CHERP: variants seen among roughly 807,000 people sequenced by gnomAD.
The protein encoded by CHERP is calcium homeostasis endoplasmic reticulum protein.
In CHERP, 8 loss-of-function variants were observed where a neutral mutation model predicts 113.8. The observed-to-expected ratio is 0.07, with a 90% CI of 0.04 to 0.13. CHERP has a LOEUF of 0.13. Ranked by LOEUF, CHERP falls within the 10% of genes least tolerant of loss-of-function variation. The probability of loss-of-function intolerance (pLI) is 1.00; values close to 1 mark genes in which losing one functional copy is unlikely to be tolerated. For missense variants in CHERP, 884 were observed against 1,298.2 expected (o/e 0.68, Z 4.90); for synonymous variants, 559 against 524.5 (o/e 1.07, Z -0.90).
In CHERP at chr19:16,530,294, T is replaced by C. The variant is rs999975017; in HGVS notation, c.876+291A>G. Among the ~76,000 whole-genome samples the C allele has an allele frequency of 1.3e-5, 2 of 152,210 alleles. No individual in the cohort carries two copies. Among genetic ancestry groups the C allele is most frequent in the Non-Finnish European group, 2.9e-5 (2 of 68,034 alleles). ...CCTAAGCCACGTCTGGGCTTCCTCA[T>C]GCTTCCACCACACCGGAACATGCCT... is the stretch of plus-strand genomic sequence containing the variant. On this transcript the variant is annotated intron_variant, in intron 7 of 16. Coordinates refer to ENST00000546361, the MANE Select transcript of CHERP (RefSeq NM_006387.6). This position sits in a 1 kb window ranked among gnomAD's most constrained non-coding sequence, Gnocchi z 4.1.
At chr19:16,529,537 G>A (rs2085682174) in intron 8 of CHERP, 111 bp downstream of exon 8, 5 of 1,345,334 alleles carry the variant, frequency 3.7e-6, no homozygotes, top group East Asian at 5.0e-5. Context: ...GGCCTGGGAC[G>A]AGGGAACAAG....
intron 11 of CHERP, among the ~76,000 whole-genome samples, chr19:16,521,931 G>C (rs1298259941): frequency 6.6e-6 from 1 of 152,228 alleles, no homozygotes; most frequent in East Asian, 1.9e-4. Flanking sequence ...CCAAACTCAG[G>C]TGACCTGAAC....
intron 9 of CHERP, among the ~76,000 whole-genome samples, chr19:16,526,627 C>T (rs1222156691): frequency 6.6e-6 from 1 of 152,046 alleles, no homozygotes; most frequent in Non-Finnish European, 1.5e-5. Flanking sequence ...GGCACCATGC[C>T]CGGCTATTTT....
At position 16,532,307 on chromosome 19, in the gene CHERP, A is replaced by G; in HGVS notation, c.674+291T>C. 2.8e-6 allele frequency: 1 copy of G among 353,202 alleles called. No individual in the cohort carries two copies. Among genetic ancestry groups the G allele is most frequent in the South Asian group, 6.4e-5 (1 of 15,546 alleles). The allele number at this position is 353,202 out of a possible 1,614,324, so 21.9% of individuals were successfully genotyped here. Reference sequence around the variant, plus strand: ...GCCAAGAAGCTGCCCCATGAGAGGAAGGAGTGCAGGGGACAGTGGCCCCCA... The same window carrying G: ...GCCAAGAAGCTGCCCCATGAGAGGAGGGAGTGCAGGGGACAGTGGCCCCCA... On this transcript the variant is annotated intron_variant, in intron 5 of 16. Coordinates refer to ENST00000546361, the MANE Select transcript of CHERP (RefSeq NM_006387.6). This position sits in a 1 kb window ranked among gnomAD's most constrained non-coding sequence, Gnocchi z 4.4.
Position 16,529,554 on chromosome 19 carries a change from G to A in CHERP, c.1129+94C>T. On this transcript the variant is annotated intron_variant, in intron 8 of 16. Coordinates refer to ENST00000546361, the MANE Select transcript of CHERP (RefSeq NM_006387.6). ...CCTGGGACGAGGGAACAAGAACTGA[G>A]TCTGAGGGTGGCAGACTGCTTTCTG... is the stretch of plus-strand genomic sequence containing the variant. The A allele has an allele frequency of 2.1e-6, 3 of 1,431,648 alleles. No individual in the cohort carries two copies. The African/African-American group carries it at 4.2e-5, about 20-fold the overall frequency. The allele number at this position is 1,431,648 out of a possible 1,614,324, so 88.7% of individuals were successfully genotyped here. A position where few individuals can be genotyped will look rare whatever the true frequency, so the allele number is the denominator to read the frequency against.
At position 16,529,903 on chromosome 19, in the gene CHERP, G is replaced by A. The variant is rs377530544; in HGVS notation, c.877-3C>T. The A allele has an allele frequency of 1.2e-6, 2 of 1,611,866 alleles. No homozygotes were observed. Among genetic ancestry groups the A allele is most frequent in the African/African-American group, 2.7e-5 (2 of 74,896 alleles). Reference sequence around the variant, plus strand: ...GAGTACTCGTTGATGAGGGTGGCCTGAGAGAGAGAAGAGCACCCGCTGCTC... The same window carrying A: ...GAGTACTCGTTGATGAGGGTGGCCTAAGAGAGAGAAGAGCACCCGCTGCTC... On this transcript the variant is annotated splice_region_variant and splice_polypyrimidine_tract_variant and intron_variant, in intron 7 of 16. Transcript: ENST00000546361.
chr19:16,531,392 G>A (rs1323373926), intron 5 of CHERP, among the ~76,000 whole-genome samples: 4 of 152,192 alleles, frequency 2.6e-5, no homozygotes, highest in Non-Finnish European at 5.9e-5. Flanking sequence ...GCCCAGCGGG[G>A]GGAGGCGCCG....
chr19:16,524,541 G>GTGGAGTTT (rs2085643169), intron 10 of CHERP, among the ~76,000 whole-genome samples: 1 of 142,084 alleles, frequency 7.0e-6, no homozygotes, highest in South Asian at 2.3e-4. Flanking sequence ...GGGCAACAGG[G>GTGGAGTTT]TGAGACTCTG....
At position 16,535,681 on chromosome 19, in the gene CHERP, G is replaced by T; in HGVS notation, c.200-45C>A. ...GGTGCCCCATGAGAATGCAGATGGGGGTCTAGGTGTCCCCTTGGCCACCTC... is the reference window on the plus strand; with the variant it reads ...GGTGCCCCATGAGAATGCAGATGGGTGTCTAGGTGTCCCCTTGGCCACCTC... On this transcript the variant is annotated intron_variant, in intron 2 of 16. Coordinates refer to ENST00000546361, the MANE Select transcript of CHERP (RefSeq NM_006387.6). The surrounding 1 kb of genome is among the most constrained non-coding windows in gnomAD (Gnocchi z 4.3). 6.9e-7 allele frequency: 1 copy of T among 1,451,054 alleles called. No homozygotes were observed. The highest frequency in any genetic ancestry group is 9.1e-7 in the Non-Finnish European group (1 of 1,102,370). 89.9% of individuals were successfully genotyped at this position (1,451,054 alleles called of 1,614,324 possible). A position where few individuals can be genotyped will look rare whatever the true frequency, so the allele number is the denominator to read the frequency against.
At position 16,532,833 on chromosome 19, in the gene CHERP, A is replaced by G; in HGVS notation, c.523-84T>C. On this transcript the variant is annotated intron_variant, in intron 4 of 16. Coordinates refer to ENST00000546361, the MANE Select transcript of CHERP (RefSeq NM_006387.6). The surrounding 1 kb of genome is among the most constrained non-coding windows in gnomAD (Gnocchi z 4.4). ...GCATCCCTGAGAGCGCGTCACCATCAGCTCAGGGAAGGACACACCATGAGC... is the reference window on the plus strand; with the variant it reads ...GCATCCCTGAGAGCGCGTCACCATCGGCTCAGGGAAGGACACACCATGAGC... 1 of 1,554,156 alleles carries G rather than the reference A, an allele frequency of 6.4e-7. No individual in the cohort carries two copies. The highest frequency in any genetic ancestry group is 8.7e-7 in the Non-Finnish European group (1 of 1,145,002).
At chr19:16,531,202 G>A (rs2122269968) in intron 5 of CHERP, among the ~76,000 whole-genome samples, 2 of 152,356 alleles carry the variant, frequency 1.3e-5, no homozygotes, top group South Asian at 2.1e-4. Flanking sequence ...AAGGGATATG[G>A]GCCGGCGGGA....
chr19:16,529,961 C>A, intron 7 of CHERP, 61 bp from the exon 8 acceptor site: 1 of 1,554,390 alleles, frequency 6.4e-7, no homozygotes, highest in East Asian at 2.4e-5. Flanking sequence ...TGCCTGGCGC[C>A]AGAGGACAAA....
In CHERP at chr19:16,535,069, T is replaced by TAA. The variant is rs371417257; in HGVS notation, c.384+381_384+382dup. Reference sequence around the variant, plus strand: ...CCAGCCTGGGCGACAGAACAAGACTTAAAAAAAAAAAAGGGTCCTTCCCCA... The same window carrying TAA: ...CCAGCCTGGGCGACAGAACAAGACTTAAAAAAAAAAAAAAGGGTCCTTCCCCA... On this transcript the variant is annotated intron_variant, in intron 3 of 16. Transcript: ENST00000546361. The surrounding 1 kb of genome is among the most constrained non-coding windows in gnomAD (Gnocchi z 4.3). Among the ~76,000 whole-genome samples, 1 of 142,040 alleles carries TAA rather than the reference T, an allele frequency of 7.0e-6. No individual in the cohort carries two copies. Among genetic ancestry groups the TAA allele is most frequent in the South Asian group, 2.2e-4 (1 of 4,488 alleles). 93.2% of individuals were successfully genotyped at this position (142,040 alleles called of 152,430 possible).
At chr19:16,541,731 G>C (rs1646519562) in intron 2 of CHERP, 139 bp downstream of exon 2, 1 of 906,132 alleles carries the variant, frequency 1.1e-6, no homozygotes, top group South Asian at 1.6e-5. Flanking sequence ...GGGAACAGCG[G>C]AACAGGGATC....
chr19:16,522,894 G>A (rs1380527086), intron 11 of CHERP, among the ~76,000 whole-genome samples, 158 bp downstream of exon 11: 6 of 152,158 alleles, frequency 3.9e-5, no homozygotes, highest in South Asian at 2.1e-4. Context: ...GTGCTACTCC[G>A]GTTCGGCACC....
At chr19:16,540,188 C>T (rs1198570366) in intron 2 of CHERP, among the ~76,000 whole-genome samples, 3 of 152,102 alleles carry the variant, frequency 2.0e-5, no homozygotes, top group African/African-American at 7.2e-5. Context: ...CTCAGCCTCC[C>T]GGGTAGCTGG....
chr19:16,542,397 C>CG lies in CHERP; in HGVS notation c.-20dup. ...TCTCCATGGCTCCGGCCGCGGGGAACGTCCTCCGGCGCCACACGATCGACC... is the reference window on the plus strand; with the variant it reads ...TCTCCATGGCTCCGGCCGCGGGGAACGGTCCTCCGGCGCCACACGATCGACC... On this transcript the variant is annotated 5_prime_UTR_variant, in exon 1 of 17. Transcript: ENST00000546361. The CG allele has an allele frequency of 6.6e-6, 9 of 1,356,088 alleles. No homozygotes were observed. The highest frequency in any genetic ancestry group is 8.6e-6 in the Non-Finnish European group (9 of 1,046,774). The allele number at this position is 1,356,088 out of a possible 1,614,324, so 84.0% of individuals were successfully genotyped here. A position where few individuals can be genotyped will look rare whatever the true frequency, so the allele number is the denominator to read the frequency against.
intron 9 of CHERP, among the ~76,000 whole-genome samples, chr19:16,526,783 A>G (rs1005797659): frequency 6.7e-6 from 1 of 150,088 alleles, no homozygotes; most frequent in Non-Finnish European, 1.5e-5. Context: ...TCTTTTTTAG[A>G]GACAAGGTCT....
At chr19:16,534,675 C>A (rs2085729383) in intron 3 of CHERP, among the ~76,000 whole-genome samples, 1 of 151,788 alleles carries the variant, frequency 6.6e-6, no homozygotes, top group African/African-American at 2.4e-5. Context: ...AGGGTTTCAT[C>A]ATGTTGACCA....
Sources: gnomAD v4.1 joint callset for allele counts (sites outside exome capture counted in the v4.1 genomes callset) on GRCh38, gnomAD v4.1.1 for gene constraint, Gnocchi (gnomAD v3.1) non-coding constraint, MANE v1.5 for transcripts, NCBI Gene and HGNC (gene_info 2026-07-23, HGNC 2026-07-21) for gene names.